Variants in CIB4 observed in about 807,000 individuals in gnomAD.
The protein encoded by CIB4 is calcium and integrin-binding family member 4.
A neutral mutation model predicts 25.8 loss-of-function variants in CIB4; 25 were observed. The observed-to-expected ratio is 0.97, with a 90% confidence interval of 0.71 to 1.35. CIB4 has a LOEUF of 1.35. Ranked by LOEUF, CIB4 falls within the 40% of genes most tolerant of loss-of-function variation. The pLI is 0.00. For synonymous variants in CIB4, 75 were observed against 81.4 expected (o/e 0.92, Z 0.42); for missense variants, 235 against 228.2 (o/e 1.03, Z -0.19).
chr2:26,622,020 G>A (rs908632690), intron 3 of CIB4, among the ~76,000 whole-genome samples: 6 of 152,214 alleles, frequency 3.9e-5, no homozygotes, highest in Non-Finnish European at 8.8e-5. Context: ...AGTAACTACA[G>A]CTTATTTCAT....
At position 26,581,333 on chromosome 2, in the gene CIB4, A is replaced by G. The variant is rs368807034; in HGVS notation, c.*30T>C. ...GGTTCGATTCCTGTGGTCTCCCTCGAGGCTGCCATGTCAGGTGTTTGCCGC... is the reference window on the plus strand; with the variant it reads ...GGTTCGATTCCTGTGGTCTCCCTCGGGGCTGCCATGTCAGGTGTTTGCCGC... On this transcript the variant is annotated 3_prime_UTR_variant, in exon 7 of 7. Transcript: ENST00000288861. 1.5e-4 allele frequency: 233 copies of G among 1,604,598 alleles called. No homozygotes were observed. The African/African-American group carries it at 2.6e-3, about 18-fold the overall frequency.
At chr2:26,601,401 C>A (rs973632272) in intron 3 of CIB4, among the ~76,000 whole-genome samples, 1 of 151,730 alleles carries the variant, frequency 6.6e-6, no homozygotes, top group Non-Finnish European at 1.5e-5. Flanking sequence ...ACAAAGATAA[C>A]ATGGCAATGC....
chr2:26,599,580 G>A (rs760782703), intron 3 of CIB4, among the ~76,000 whole-genome samples: 6 of 151,984 alleles, frequency 3.9e-5, no homozygotes, highest in Non-Finnish European at 7.4e-5. Flanking sequence ...GTGACTCAAT[G>A]ATGATGTCAT....
intron 3 of CIB4, among the ~76,000 whole-genome samples, chr2:26,625,404 G>C (rs1032789611): frequency 2.8e-5 from 4 of 143,304 alleles, no homozygotes; most frequent in Admixed American, 7.4e-5. Flanking sequence ...CCAGGCTGGA[G>C]TGCAATGGCG....
chr2:26,606,175 TG>T (rs1668886213), intron 3 of CIB4, among the ~76,000 whole-genome samples: 1 of 152,236 alleles, frequency 6.6e-6, no homozygotes, highest in African/African-American at 2.4e-5. Flanking sequence ...CGCTGAGTCC[TG>T]GGGCCCCCCA....
In CIB4 at chr2:26,581,380, G is replaced by A. The variant is rs144812943; in HGVS notation, c.541C>T (p.His181Tyr). Residue 181 changes from histidine to tyrosine, a missense_variant, in exon 7 of 7, where the codon CAC (histidine) becomes TAC (tyrosine). By Grantham distance (83) the His-to-Tyr change is moderately conservative. Transcript: ENST00000288861. ...SPDFMNSFRI[H>Y]FWGC is the part of the protein sequence containing the mutation. ...CCGCTACATCAGCATCCCCAGAAGTGAATCCGAAAGGAGCTGAAAGAAAGA... is the reference window on the plus strand; with the variant it reads ...CCGCTACATCAGCATCCCCAGAAGTAAATCCGAAAGGAGCTGAAAGAAAGA... 60 of 1,613,720 alleles carry A rather than the reference G, an allele frequency of 3.7e-5. No individual in the cohort carries two copies. In the Middle Eastern group the frequency reaches 1.3e-3, roughly 36 times the overall value.
intron 2 of CIB4, among the ~76,000 whole-genome samples, chr2:26,630,466 G>C (rs577661060): frequency 6.6e-6 from 1 of 152,302 alleles, no homozygotes; most frequent in South Asian, 2.1e-4. Flanking sequence ...CTGGATAAGG[G>C]ACAAGAATGA....
At chr2:26,636,116 G>C (rs553597250) in intron 2 of CIB4, among the ~76,000 whole-genome samples, 50 of 152,158 alleles carry the variant, frequency 3.3e-4, no homozygotes, top group African/African-American at 1.2e-3. Flanking sequence ...ATACTATCTT[G>C]TGACCTCTTA....
intron 3 of CIB4, among the ~76,000 whole-genome samples, chr2:26,612,081 T>C (rs1304014564): frequency 1.3e-5 from 2 of 151,656 alleles, no homozygotes; most frequent in East Asian, 3.9e-4. Flanking sequence ...GACAATTTGC[T>C]AAGCAAGCAA....
At chr2:26,619,910 G>T (rs1311299326) in intron 3 of CIB4, among the ~76,000 whole-genome samples, 1 of 143,406 alleles carries the variant, frequency 7.0e-6, no homozygotes, top group Non-Finnish European at 1.5e-5. Context: ...ACACCACCCC[G>T]ATCTCCATCC....
intron 3 of CIB4, among the ~76,000 whole-genome samples, chr2:26,620,646 G>A (rs879122206): frequency 2.4e-4 from 36 of 152,154 alleles, no homozygotes; most frequent in South Asian, 4.1e-4. Flanking sequence ...CCCTCAGATC[G>A]CCCTTCAGTG....
At chr2:26,602,304 T>A (rs1668807694) in intron 3 of CIB4, among the ~76,000 whole-genome samples, 1 of 152,154 alleles carries the variant, frequency 6.6e-6, no homozygotes, top group Admixed American at 6.5e-5. Flanking sequence ...ACCAAAATAA[T>A]ATAAATAAAC....
chr2:26,640,366 C>T (rs114838859), intron 2 of CIB4, among the ~76,000 whole-genome samples, 167 bp downstream of exon 2: 2,187 of 152,310 alleles, frequency 0.014, 64 homozygotes, highest in African/African-American at 0.05. Context: ...GGATCGTGGC[C>T]CCTGGGCCCT....
intron 6 of CIB4, 31 bp from the exon 7 acceptor site, chr2:26,581,424 G>A (rs768215322): frequency 1.9e-6 from 3 of 1,612,776 alleles, no homozygotes. Flanking sequence ...AGCCATGTGA[G>A]CCCGCAGGTC....
intron 3 of CIB4, among the ~76,000 whole-genome samples, chr2:26,595,861 C>G (rs566723157): frequency 6.6e-6 from 1 of 152,206 alleles, no homozygotes; most frequent in East Asian, 1.9e-4. Flanking sequence ...GACACCAATA[C>G]ACTCCTTAGA....
chr2:26,594,394 T>G (rs1175075057), intron 4 of CIB4, among the ~76,000 whole-genome samples: 1 of 152,224 alleles, frequency 6.6e-6, no homozygotes, highest in African/African-American at 2.4e-5. Flanking sequence ...TTCTACTGTC[T>G]TCTATCCACA....
intron 3 of CIB4, among the ~76,000 whole-genome samples, chr2:26,615,204 G>T (rs1335207886): frequency 6.6e-6 from 1 of 152,210 alleles, no homozygotes; most frequent in African/African-American, 2.4e-5. Flanking sequence ...GATGTGGCAG[G>T]TAAGGAGTCA....
intron 3 of CIB4, among the ~76,000 whole-genome samples, chr2:26,617,147 T>TGTGTGTGTGCGC (rs10665609): frequency 1.3e-3 from 203 of 150,532 alleles, no homozygotes; most frequent in African/African-American, 4.7e-3. Context: ...TGTGTGTGTG[T>TGTGTGTGTGCGC]GCACGTGAGC....
Position 26,629,419 on chromosome 2 carries a change from TG to T in CIB4, c.176del (p.Pro59GlnfsTer42). On this transcript the variant is annotated frameshift_variant, in exon 3 of 7. Coordinates refer to ENST00000288861, the MANE Select transcript of CIB4 (RefSeq NM_001029881.3). LOFTEE classifies it high-confidence loss of function. ...ACCATCCTGGACTCACCCGCAGAGCTGGCAGGGAGCTGACCTGGTCCATGGT... is the reference window on the plus strand; with the variant it reads ...ACCATCCTGGACTCACCCGCAGAGCTGCAGGGAGCTGACCTGGTCCATGGT... ...TLTMDQVSSL[P>X]ALRVNPFRDR... The T allele has an allele frequency of 6.3e-7, 1 of 1,576,442 alleles. No individual in the cohort carries two copies. The highest frequency in any genetic ancestry group is 8.6e-7 in the Non-Finnish European group (1 of 1,160,212).
Sources: allele counts gnomAD v4.1 joint callset (sites outside exome capture counted in the v4.1 genomes callset), GRCh38; gene constraint gnomAD v4.1.1; transcripts MANE v1.5; gene names NCBI Gene and HGNC (gene_info 2026-07-23, HGNC 2026-07-21).